The following DENND4C variants were observed in gnomAD, a reference collection of about 807,000 sequenced individuals.
The protein encoded by DENND4C is DENN domain-containing protein 4C.
A neutral mutation model predicts 203.0 loss-of-function variants in DENND4C; 108 were observed. The ratio of observed to expected loss-of-function variants is 0.53; its 90% CI spans 0.46 to 0.62. The LOEUF is 0.62. DENND4C is among the 20% of genes least tolerant of loss of function. The probability of loss-of-function intolerance (pLI) is 0.00; values close to 1 mark genes in which losing one functional copy is unlikely to be tolerated. For missense variants in DENND4C, 2,481 were observed against 2,301.2 expected, an observed-to-expected ratio of 1.08 and a Z score of -1.60; for synonymous variants, 871 against 792.4, an observed-to-expected ratio of 1.10 and a Z score of -1.67.
At chr9:19,232,334 G>A (rs1051586405) in intron 1 of DENND4C, among the ~76,000 whole-genome samples, 31 of 151,862 alleles carry the variant, frequency 2.0e-4, no homozygotes, top group Non-Finnish European at 3.7e-4. Context: ...TGGTATCTCC[G>A]TTGACCATTT....
chr9:19,257,686 A>G (rs1686065183), intron 1 of DENND4C, among the ~76,000 whole-genome samples: 1 of 152,240 alleles, frequency 6.6e-6, no homozygotes, highest in South Asian at 2.1e-4. Context: ...AATTACTGAT[A>G]TCAGAATTAG....
intron 8 of DENND4C, among the ~76,000 whole-genome samples, chr9:19,299,520 G>C (rs1051307099): frequency 3.3e-5 from 5 of 152,054 alleles, no homozygotes; most frequent in Non-Finnish European, 5.9e-5. Context: ...GGATGTAGAG[G>C]ATACTTCCCT....
chr9:19,235,389 A>T (rs879537887), intron 1 of DENND4C, among the ~76,000 whole-genome samples: 4 of 152,270 alleles, frequency 2.6e-5, no homozygotes, highest in Admixed American at 2.6e-4. Flanking sequence ...TATCACTTGC[A>T]TTCATTGAGT....
At chr9:19,259,505 C>CTTTTTT (rs1021585159) in intron 1 of DENND4C, among the ~76,000 whole-genome samples, 1 of 131,500 alleles carries the variant, frequency 7.6e-6, no homozygotes, top group Non-Finnish European at 1.6e-5. Flanking sequence ...TTTCTTTTTT[C>CTTTTTT]TTTTTTTTTT....
chr9:19,331,906 C>G, intron 16 of DENND4C, 72 bp from the exon 17 acceptor site: 1 of 1,396,718 alleles, frequency 7.2e-7, no homozygotes, highest in South Asian at 1.3e-5. Context: ...TCTCCTCTCC[C>G]TTTTCCTTCT....
At chr9:19,297,973 T>C (rs1032053836) in intron 6 of DENND4C, 83 bp from the exon 7 acceptor site, 4 of 1,082,386 alleles carry the variant, frequency 3.7e-6, no homozygotes, top group South Asian at 1.5e-5. Flanking sequence ...TGGGATGATA[T>C]ATAGTGATAT....
intron 26 of DENND4C, 31 bp from the exon 27 acceptor site, chr9:19,356,941 A>G: frequency 6.3e-7 from 1 of 1,588,514 alleles, no homozygotes; most frequent in Non-Finnish European, 8.6e-7. Flanking sequence ...GGATTTTTAA[A>G]GGCTCTTTTT....
intron 30 of DENND4C, among the ~76,000 whole-genome samples, chr9:19,364,676 T>C (rs1219258816): frequency 6.6e-6 from 1 of 152,106 alleles, no homozygotes; most frequent in East Asian, 1.9e-4. Flanking sequence ...GTGGATCACC[T>C]GAGGTCAGGA....
At chr9:19,320,287 C>T (rs1031627593) in intron 12 of DENND4C, among the ~76,000 whole-genome samples, 2 of 151,916 alleles carry the variant, frequency 1.3e-5, no homozygotes, top group African/African-American at 2.4e-5. Context: ...CAACCTCTGC[C>T]TCCCAGGCTC....
At chr9:19,253,571 C>G (rs1417403187) in intron 1 of DENND4C, among the ~76,000 whole-genome samples, 1 of 152,126 alleles carries the variant, frequency 6.6e-6, no homozygotes, top group African/African-American at 2.4e-5. Context: ...TAGCAAATAG[C>G]TTTGATAAAA....
intron 20 of DENND4C, 29 bp downstream of exon 20, chr9:19,336,861 T>C: frequency 6.5e-7 from 1 of 1,533,924 alleles, no homozygotes; most frequent in Non-Finnish European, 8.8e-7. Context: ...TACTAACCCT[T>C]CACTTACTCT....
At chr9:19,348,178 G>A (rs1455242001) in intron 23 of DENND4C, among the ~76,000 whole-genome samples, 2 of 152,186 alleles carry the variant, frequency 1.3e-5, no homozygotes, top group Admixed American at 6.5e-5. Context: ...CCCCATGAGG[G>A]TGGTACTGTT....
chr9:19,306,531 TG>T (rs1441964583), intron 10 of DENND4C, among the ~76,000 whole-genome samples: 2 of 152,066 alleles, frequency 1.3e-5, no homozygotes, highest in East Asian at 3.8e-4. Flanking sequence ...CTACTCTCCC[TG>T]AAAAACAATT....
At chr9:19,285,539 T>C (rs1363384811) in intron 2 of DENND4C, among the ~76,000 whole-genome samples, 3 of 151,910 alleles carry the variant, frequency 2.0e-5, no homozygotes, top group African/African-American at 7.2e-5. Context: ...TTCTGGACAT[T>C]TCTTAAAAAC....
chr9:19,314,240 G>T (rs1841325742), intron 10 of DENND4C, among the ~76,000 whole-genome samples: 1 of 152,096 alleles, frequency 6.6e-6, no homozygotes, highest in Non-Finnish European at 1.5e-5. Flanking sequence ...GGATCACGAG[G>T]TCAGGAGATC....
chr9:19,231,787 G>A (rs1357836545), intron 1 of DENND4C, among the ~76,000 whole-genome samples: 2 of 151,736 alleles, frequency 1.3e-5, no homozygotes, highest in African/African-American at 2.4e-5. Flanking sequence ...ATACTGTCAA[G>A]CGTTGTAGCC....
chr9:19,365,596 A>G (rs932196508), intron 30 of DENND4C, among the ~76,000 whole-genome samples: 4 of 151,818 alleles, frequency 2.6e-5, no homozygotes, highest in East Asian at 1.9e-4. Flanking sequence ...AAGTGTATCT[A>G]TATTTGCAGA....
intron 28 of DENND4C, among the ~76,000 whole-genome samples, chr9:19,359,739 G>A (rs1826079349): frequency 6.7e-6 from 1 of 148,684 alleles, no homozygotes; most frequent in African/African-American, 2.6e-5. Flanking sequence ...GTCTAGGTTG[G>A]GTCTTTTTTC....
chr9:19,266,405 G>C (rs112125900), intron 1 of DENND4C, among the ~76,000 whole-genome samples: 2,116 of 152,222 alleles, frequency 0.014, 45 homozygotes, highest in African/African-American at 0.049. Context: ...CTGTTCTATA[G>C]GTTGCCTGTT....
Sources: allele counts gnomAD v4.1 joint callset (sites outside exome capture counted in the v4.1 genomes callset), GRCh38; gene constraint gnomAD v4.1.1; transcripts MANE v1.5; gene names NCBI Gene and HGNC (gene_info 2026-07-23, HGNC 2026-07-21).